SCAMP1: variants seen among roughly 807,000 people sequenced by gnomAD.
The protein encoded by SCAMP1 is secretory carrier-associated membrane protein 1.
A neutral mutation model predicts 41.8 loss-of-function variants in SCAMP1; 15 were observed. That is an observed-to-expected ratio of 0.36 (90% confidence interval 0.24 to 0.55). The LOEUF is 0.55. Among genes scored for constraint, SCAMP1 ranks in the 20% least tolerant of loss-of-function variants. The pLI is 0.86. For missense variants in SCAMP1, 341 were observed against 412.6 expected (o/e 0.83, Z 1.50); for synonymous variants, 135 against 136.8 (o/e 0.99, Z 0.09).
intron 8 of SCAMP1, among the ~76,000 whole-genome samples, chr5:78,467,376 C>G (rs965263528): frequency 1.3e-5 from 2 of 152,136 alleles, no homozygotes; most frequent in Admixed American, 6.6e-5. Context: ...TGTAGCTGTT[C>G]TATAATGAAC....
At chr5:78,405,488 T>C (rs1751912161) in intron 2 of SCAMP1, among the ~76,000 whole-genome samples, 1 of 152,204 alleles carries the variant, frequency 6.6e-6, no homozygotes, top group Non-Finnish European at 1.5e-5. Flanking sequence ...TGTTCAAATA[T>C]TGACTTCCCC....
At chr5:78,374,309 G>A (rs1448173131) in intron 1 of SCAMP1, among the ~76,000 whole-genome samples, 1 of 152,074 alleles carries the variant, frequency 6.6e-6, no homozygotes. Context: ...AGGCATATGT[G>A]TTGTTATACT....
intron 8 of SCAMP1, among the ~76,000 whole-genome samples, chr5:78,471,411 A>G (rs1230800601): frequency 6.6e-6 from 1 of 152,176 alleles, no homozygotes; most frequent in Non-Finnish European, 1.5e-5. Flanking sequence ...AACTGAAAAT[A>G]TTAGGCTTAG....
At chr5:78,458,500 T>C (rs142359106) in intron 7 of SCAMP1, among the ~76,000 whole-genome samples, 96 of 152,348 alleles carry the variant, frequency 6.3e-4, no homozygotes, top group African/African-American at 2.2e-3. Flanking sequence ...TTGAAAGTTA[T>C]GTATATTCTA....
At chr5:78,467,467 C>T (rs1013933778) in intron 8 of SCAMP1, among the ~76,000 whole-genome samples, 6 of 152,142 alleles carry the variant, frequency 3.9e-5, no homozygotes, top group Non-Finnish European at 7.4e-5. Flanking sequence ...TCAGGATCCA[C>T]CACACAAAGG....
At chr5:78,398,245 C>T (rs1226802301) in intron 2 of SCAMP1, among the ~76,000 whole-genome samples, 1 of 151,508 alleles carries the variant, frequency 6.6e-6, no homozygotes, top group Non-Finnish European at 1.5e-5. Context: ...GTTACTACAA[C>T]ATAGTTGAAC....
intron 2 of SCAMP1, among the ~76,000 whole-genome samples, chr5:78,413,385 T>G (rs1395829071): frequency 6.6e-6 from 1 of 151,846 alleles, no homozygotes; most frequent in Non-Finnish European, 1.5e-5. Flanking sequence ...TACTTTGTTT[T>G]TCTTCAAAAT....
chr5:78,414,085 A>G (rs1175038266), intron 2 of SCAMP1, among the ~76,000 whole-genome samples: 3 of 151,514 alleles, frequency 2.0e-5, no homozygotes, highest in African/African-American at 4.8e-5. Flanking sequence ...TTATTAAAGT[A>G]GTATATGGTG....
intron 1 of SCAMP1, among the ~76,000 whole-genome samples, chr5:78,371,363 T>C (rs59568226): frequency 0.015 from 2,248 of 152,304 alleles, 53 homozygotes; most frequent in African/African-American, 0.052. Context: ...GTCAACTTTA[T>C]TGTTTTGCAT....
In SCAMP1 at chr5:78,429,345, G is replaced by GT. The variant is rs781320541; in HGVS notation, c.632+7402dup. Among the ~76,000 whole-genome samples the GT allele has an allele frequency of 1.2e-3, 112 of 96,652 alleles. 1 individual carries two copies. Among genetic ancestry groups the GT allele is most frequent in the Non-Finnish European group, 1.5e-3 (63 of 42,946 alleles). 63.4% of individuals were successfully genotyped at this position (96,652 alleles called of 152,430 possible). A position where few individuals can be genotyped will look rare whatever the true frequency, so the allele number is the denominator to read the frequency against. On this transcript the variant is annotated intron_variant, in intron 6 of 8. Coordinates refer to ENST00000621999, the MANE Select transcript of SCAMP1 (RefSeq NM_004866.6). ...CTTGTGTTTCCAGTTTGTTGAGTTGGTTTTTTTTTTTTTTTTTAATTTTTT... is the reference window on the plus strand; with the variant it reads ...CTTGTGTTTCCAGTTTGTTGAGTTGGTTTTTTTTTTTTTTTTTTAATTTTTT...
chr5:78,407,468 G>A (rs1751960878), intron 2 of SCAMP1, among the ~76,000 whole-genome samples: 1 of 131,902 alleles, frequency 7.6e-6, no homozygotes. Flanking sequence ...CTTTGTGTGG[G>A]AATTATCCTT....
Position 78,455,370 on chromosome 5 carries a change from T to C in SCAMP1, c.735-3875T>C, listed in dbSNP as rs1318974052. On this transcript the variant is annotated intron_variant, in intron 7 of 8. Coordinates refer to ENST00000621999, the MANE Select transcript of SCAMP1 (RefSeq NM_004866.6). ...ACTGCTTTGAATGCATCCCAGAGAT[T>C]CTGGTATGCTGTGTCTTTGTTCTCA... 4.8e-5 allele frequency among the ~76,000 whole-genome samples: 6 copies of C among 125,974 alleles called. 1 individual carries two copies. Among genetic ancestry groups the C allele is most frequent in the African/African-American group, 1.9e-4 (6 of 31,084 alleles). 82.6% of individuals were successfully genotyped at this position (125,974 alleles called of 152,430 possible). A position where few individuals can be genotyped will look rare whatever the true frequency, so the allele number is the denominator to read the frequency against.
At chr5:78,441,305 C>G (rs755577267) in intron 6 of SCAMP1, among the ~76,000 whole-genome samples, 27 of 152,138 alleles carry the variant, frequency 1.8e-4, no homozygotes, top group Non-Finnish European at 3.7e-4. Context: ...GAGCTGCAGA[C>G]CAGAGCTGTT....
chr5:78,423,985 C>G (rs1368840780), intron 6 of SCAMP1, among the ~76,000 whole-genome samples: 1 of 151,972 alleles, frequency 6.6e-6, no homozygotes, highest in Admixed American at 6.6e-5. Context: ...GCTGGGATTA[C>G]AGGCATGCAC....
intron 2 of SCAMP1, among the ~76,000 whole-genome samples, chr5:78,401,639 G>A (rs1314785374): frequency 1.3e-5 from 2 of 152,018 alleles, no homozygotes; most frequent in African/African-American, 4.8e-5. Context: ...AGTATGTCTT[G>A]GTTATCATTT....
At chr5:78,463,068 T>A (rs1347494004) in intron 8 of SCAMP1, among the ~76,000 whole-genome samples, 1 of 152,248 alleles carries the variant, frequency 6.6e-6, no homozygotes, top group African/African-American at 2.4e-5. Context: ...TCTTTTATCC[T>A]TCTCAAAACC....
At chr5:78,449,352 A>T (rs9293749) in intron 6 of SCAMP1, among the ~76,000 whole-genome samples, 1 of 151,964 alleles carries the variant, frequency 6.6e-6, no homozygotes, top group Non-Finnish European at 1.5e-5. Flanking sequence ...AACTGGGTGA[A>T]TCTCAGAATA....
At position 78,460,942 on chromosome 5, in the gene SCAMP1, A is replaced by T. The variant is rs539136730; in HGVS notation, c.852+1580A>T. Among the ~76,000 whole-genome samples the T allele has an allele frequency of 4.6e-5, 7 of 151,032 alleles. No homozygotes were observed. The South Asian group carries it at 1.5e-3, about 32-fold the overall frequency. ...TCAATCTCAGCTCATTGCAATCTCCACCTCCCGTGTTCACACAATTTTCCT... is the reference window on the plus strand; with the variant it reads ...TCAATCTCAGCTCATTGCAATCTCCTCCTCCCGTGTTCACACAATTTTCCT... On this transcript the variant is annotated intron_variant, in intron 8 of 8. Transcript: ENST00000621999.
At chr5:78,453,699 G>A (rs1195625191) in intron 7 of SCAMP1, among the ~76,000 whole-genome samples, 3 of 152,328 alleles carry the variant, frequency 2.0e-5, no homozygotes, top group African/African-American at 7.2e-5. Context: ...GAACTTTAAA[G>A]TAGTTTTTTC....
Sources: gnomAD v4.1 joint callset for allele counts (sites outside exome capture counted in the v4.1 genomes callset) on GRCh38, gnomAD v4.1.1 for gene constraint, MANE v1.5 for transcripts, NCBI Gene and HGNC (gene_info 2026-07-23, HGNC 2026-07-21) for gene names.